RALYL: variants seen among roughly 807,000 people sequenced by gnomAD.
RALYL encodes RNA-binding Raly-like protein.
In RALYL, 29 loss-of-function variants were observed where a neutral mutation model predicts 35.1. The observed-to-expected ratio is 0.83, with a 90% confidence interval of 0.61 to 1.13. RALYL has a LOEUF of 1.13. Ranked by LOEUF, RALYL falls within the 50% of genes most tolerant of loss-of-function variation. The pLI, the probability that RALYL is intolerant of heterozygous loss-of-function variation, is 0.00. For synonymous variants in RALYL, 120 were observed against 127.6 expected, an observed-to-expected ratio of 0.94 and a Z score of 0.40; for missense variants, 359 against 360.4, an observed-to-expected ratio of 1.00 and a Z score of 0.03.
chr8:84,664,262 G>GTTTTTTT (rs750256632), intron 2 of RALYL, among the ~76,000 whole-genome samples: 1 of 43,066 alleles, frequency 2.3e-5, no homozygotes, highest in Non-Finnish European at 4.3e-5. Context: ...GATGCCTCTA[G>GTTTTTTT]ATTTTTTTTT....
intron 2 of RALYL, among the ~76,000 whole-genome samples, chr8:84,759,887 T>C (rs1367671610): frequency 1.3e-5 from 2 of 152,150 alleles, no homozygotes; most frequent in Non-Finnish European, 2.9e-5. Context: ...ATAAACAATA[T>C]CTTTTTAAAA....
intron 2 of RALYL, among the ~76,000 whole-genome samples, chr8:84,707,930 C>T (rs1009920172): frequency 3.3e-5 from 5 of 151,992 alleles, no homozygotes; most frequent in Admixed American, 6.6e-5. Context: ...ATCTTTTATG[C>T]GTGGGTTTTT....
intron 2 of RALYL, among the ~76,000 whole-genome samples, chr8:84,740,606 A>C (rs1300761733): frequency 6.6e-6 from 1 of 152,050 alleles, no homozygotes; most frequent in Non-Finnish European, 1.5e-5. Context: ...AAAGTTGTTC[A>C]GCAGATTACT....
intron 1 of RALYL, among the ~76,000 whole-genome samples, chr8:84,501,993 T>C (rs1266110558): frequency 6.6e-6 from 1 of 151,662 alleles, no homozygotes; most frequent in African/African-American, 2.4e-5. Flanking sequence ...ACAAAATTGA[T>C]TATTGTAAAG....
intron 2 of RALYL, among the ~76,000 whole-genome samples, chr8:84,615,737 C>G (rs1300496669): frequency 3.0e-5 from 3 of 98,934 alleles, no homozygotes; most frequent in Non-Finnish European, 5.7e-5. Flanking sequence ...CAATGCTGTC[C>G]CTCCCCCCTC....
intron 2 of RALYL, among the ~76,000 whole-genome samples, chr8:84,676,278 A>G (rs183966646): frequency 8.9e-4 from 136 of 152,350 alleles, no homozygotes; most frequent in African/African-American, 3.2e-3. Flanking sequence ...TACTATGACT[A>G]TATCAGAAAT....
chr8:84,281,052 A>G (rs1427762781), intron 1 of RALYL, among the ~76,000 whole-genome samples: 1 of 152,158 alleles, frequency 6.6e-6, no homozygotes, highest in Non-Finnish European at 1.5e-5. Context: ...GTCCAAGCTG[A>G]TAGCTATGCA....
chr8:84,207,818 GTGTA>G (rs894890933), intron 1 of RALYL, among the ~76,000 whole-genome samples: 88 of 136,500 alleles, frequency 6.4e-4, no homozygotes, highest in Middle Eastern at 3.6e-3. Flanking sequence ...GTGTGTGTGT[GTGTA>G]TATATATATA....
chr8:84,803,915 G>A (rs1310319037), intron 3 of RALYL, among the ~76,000 whole-genome samples: 2 of 152,130 alleles, frequency 1.3e-5, no homozygotes, highest in Non-Finnish European at 2.9e-5. Flanking sequence ...AATATCTTCA[G>A]TTCGCCTACA....
At chr8:84,371,572 CAGAA>C (rs1466010206) in intron 1 of RALYL, among the ~76,000 whole-genome samples, 2 of 147,366 alleles carry the variant, frequency 1.4e-5, no homozygotes, top group Non-Finnish European at 1.5e-5. Flanking sequence ...CACACACACA[CAGAA>C]AGAGAGAGAG....
At chr8:84,817,742 G>A (rs1187482747) in intron 4 of RALYL, among the ~76,000 whole-genome samples, 2 of 151,486 alleles carry the variant, frequency 1.3e-5, no homozygotes, top group Non-Finnish European at 2.9e-5. Flanking sequence ...TTCTAGAAAC[G>A]GGGGGTCTCA....
intron 1 of RALYL, among the ~76,000 whole-genome samples, chr8:84,358,333 T>C (rs1426389775): frequency 6.6e-6 from 1 of 152,000 alleles, no homozygotes; most frequent in African/African-American, 2.4e-5. Flanking sequence ...TAGGACTTAA[T>C]AGTGGAATTT....
chr8:84,423,072 G>A (rs1334685509), intron 1 of RALYL, among the ~76,000 whole-genome samples: 1 of 143,368 alleles, frequency 7.0e-6, no homozygotes, highest in South Asian at 2.2e-4. Flanking sequence ...GGTCTGCTTG[G>A]TGCAGAGCTG....
intron 2 of RALYL, among the ~76,000 whole-genome samples, chr8:84,643,441 C>CA (rs1403815158): frequency 6.6e-6 from 1 of 151,986 alleles, no homozygotes; most frequent in African/African-American, 2.4e-5. Context: ...TTGAAGGCAG[C>CA]AGGCACTGCA....
chr8:84,914,540 T>C lies in RALYL; in HGVS notation c.859-6354T>C, dbSNP rs183356594. Among the ~76,000 whole-genome samples, 20 of 152,142 alleles carry C rather than the reference T, an allele frequency of 1.3e-4. No homozygotes were observed. The East Asian group carries it at 3.7e-3, about 28-fold the overall frequency. On this transcript the variant is annotated intron_variant, in intron 8 of 8. Transcript: ENST00000521268. ...ATAAAATAAGAGAAATGTTAATGTA[T>C]GTGTAAGAGAACATCCAAGCAATGT...
chr8:84,330,032 A>G (rs1452735348), intron 1 of RALYL, among the ~76,000 whole-genome samples: 1 of 126,916 alleles, frequency 7.9e-6, no homozygotes, highest in Non-Finnish European at 1.8e-5. Flanking sequence ...GAATTCATAA[A>G]TATATTAAAT....
At chr8:84,583,872 A>G (rs1415604259) in intron 2 of RALYL, among the ~76,000 whole-genome samples, 1 of 152,218 alleles carries the variant, frequency 6.6e-6, no homozygotes, top group Non-Finnish European at 1.5e-5. Context: ...TGAAATTATT[A>G]ACCCAGTTTA....
intron 1 of RALYL, among the ~76,000 whole-genome samples, chr8:84,408,964 C>T (rs1033868282): frequency 2.0e-5 from 3 of 151,768 alleles, no homozygotes; most frequent in Non-Finnish European, 2.9e-5. Flanking sequence ...ATAGTATCAC[C>T]CTTAAATGCT....
At chr8:84,749,350 T>G (rs949805957) in intron 2 of RALYL, among the ~76,000 whole-genome samples, 10 of 152,142 alleles carry the variant, frequency 6.6e-5, no homozygotes, top group African/African-American at 2.4e-4. Context: ...CTTCTGGCCA[T>G]ATGGCTTTGC....
Sources: allele counts gnomAD v4.1 joint callset (sites outside exome capture counted in the v4.1 genomes callset), GRCh38; gene constraint gnomAD v4.1.1; transcripts MANE v1.5; gene names NCBI Gene and HGNC (gene_info 2026-07-23, HGNC 2026-07-21).